CIDEB: variants seen among roughly 807,000 people sequenced by gnomAD.
CIDEB encodes the protein lipid transferase CIDEB.
In CIDEB, 27 loss-of-function variants were observed where a neutral mutation model predicts 22.4. The observed-to-expected ratio is 1.21, with a 90% CI of 0.89 to 1.66. CIDEB has a LOEUF of 1.66. Among genes scored for constraint, CIDEB ranks in the 40% most tolerant of loss-of-function variants. The pLI is 0.00. For synonymous variants in CIDEB, 103 were observed against 109.5 expected, an observed-to-expected ratio of 0.94 and a Z score of 0.37; for missense variants, 289 against 268.7, an observed-to-expected ratio of 1.08 and a Z score of -0.53.
upstream of CIDEB, chr14:24,311,430 G>A (rs937870956): frequency 6.2e-7 from 1 of 1,601,394 alleles, no homozygotes; most frequent in Non-Finnish European, 8.5e-7. Flanking sequence ...GGCTCCACCG[G>A]AAGGGGCCTT....
At chr14:24,310,977 A>G, upstream of CIDEB, 1 of 1,591,024 alleles carries the variant, frequency 6.3e-7, no homozygotes, top group East Asian at 2.3e-5. Flanking sequence ...CGCGCTCAGC[A>G]TGTACGCCAG....
At chr14:24,310,797 T>C (rs1389101522), upstream of CIDEB, 2 of 1,604,142 alleles carry the variant, frequency 1.2e-6, no homozygotes, top group Admixed American at 1.7e-5. Flanking sequence ...GGTGTGGAGC[T>C]TGGCGGGCTG....
Position 24,307,919 on chromosome 14 carries a change from G to C in CIDEB, c.-61C>G, listed in dbSNP as rs2041571124. On this transcript the variant is annotated 5_prime_UTR_variant, in exon 1 of 5. Coordinates refer to ENST00000554411, the MANE Select transcript of CIDEB (RefSeq NM_001393339.1). ...GCTGGGTGGTTCTCTCCTGTGCTGG[G>C]GCTTTAGTGGTGTTTTCTGTTACAA... The C allele has an allele frequency of 2.1e-6, 3 of 1,428,648 alleles. No individual in the cohort carries two copies. The Admixed American group carries it at 5.9e-5, about 28-fold the overall frequency. 88.5% of individuals were successfully genotyped at this position (1,428,648 alleles called of 1,614,324 possible).
intron 1 of CIDEB, 75 bp downstream of exon 1, chr14:24,307,743 A>G: frequency 6.8e-7 from 1 of 1,472,522 alleles, no homozygotes. Context: ...TTAGTCTCCT[A>G]GGGGCTGAGT....
chr14:24,311,096 G>T (rs1460142099), upstream of CIDEB: 3 of 1,563,730 alleles, frequency 1.9e-6, no homozygotes, highest in Non-Finnish European at 1.7e-6. Flanking sequence ...TGCTGCTGGC[G>T]GTCTGGCTGG....
At position 24,307,530 on chromosome 14, in the gene CIDEB, G is replaced by A. The variant is rs746203880; in HGVS notation, c.42-15C>T. 1 of 1,610,950 alleles carries A rather than the reference G, an allele frequency of 6.2e-7. No homozygotes were observed. The highest frequency in any genetic ancestry group is 2.2e-5 in the East Asian group (1 of 44,808). ...TAGATACTGACCTGGTAGTTGAGAA[G>A]AAAAGTCAAGAAGGGGCGAGGAGGG... On this transcript the variant is annotated splice_polypyrimidine_tract_variant and intron_variant, in intron 1 of 4. Coordinates refer to ENST00000554411, the MANE Select transcript of CIDEB (RefSeq NM_001393339.1).
upstream of CIDEB, chr14:24,311,346 G>T (rs770922650): frequency 6.2e-7 from 1 of 1,605,160 alleles, no homozygotes; most frequent in South Asian, 1.1e-5. Context: ...GCTGGTGAGC[G>T]CCATCGTGCT....
rs1210314703 is a variant in CIDEB at position 24,306,478 on chromosome 14, C to T, written c.232G>A (p.Glu78Lys). 6.2e-7 allele frequency: 1 copy of T among 1,614,260 alleles called. No individual in the cohort carries two copies. The highest frequency in any genetic ancestry group is 1.1e-5 in the South Asian group (1 of 91,088). Residue 78 changes from glutamate to lysine, a missense_variant, in exon 3 of 5, where the codon GAG (glutamate) becomes AAG (lysine). By Grantham distance (56) the Glu-to-Lys change is moderately conservative (BLOSUM62 1). Coordinates refer to ENST00000554411, the MANE Select transcript of CIDEB (RefSeq NM_001393339.1). ...LLNGVLTLVLEEDGTAVDSED... is the reference protein window; with the variant it reads ...LLNGVLTLVLKEDGTAVDSED... ...CTGTCCACTGCAGTTCCATCCTCCT[C>T]TAGCACCAGGGTTAGCACTCCATTC...
upstream of CIDEB, chr14:24,311,246 C>T (rs779308801): frequency 6.8e-6 from 11 of 1,607,176 alleles, no homozygotes; most frequent in African/African-American, 1.3e-5. Context: ...TGCTTCCTTT[C>T]GGGCTGATGC....
At chr14:24,311,333 C>G, upstream of CIDEB, 1 of 1,602,150 alleles carries the variant, frequency 6.2e-7, no homozygotes, top group Non-Finnish European at 8.5e-7. Flanking sequence ...CGCGGGTGGG[C>G]CGGCTGGTGA....
At chr14:24,307,658 G>T in intron 1 of CIDEB, 143 bp from the exon 2 acceptor site, 1 of 1,172,928 alleles carries the variant, frequency 8.5e-7, no homozygotes, top group Non-Finnish European at 1.2e-6. Flanking sequence ...ACCATGGAGT[G>T]CAGGTGGGGG....
At chr14:24,310,558 A>C, upstream of CIDEB, 3 of 1,184,176 alleles carry the variant, frequency 2.5e-6, no homozygotes, top group African/African-American at 1.5e-5. Flanking sequence ...GCTGCAGGGA[A>C]GTAAGGAGGA....
At chr14:24,306,254 C>G (rs1434495037) in intron 3 of CIDEB, 117 bp from the exon 4 acceptor site, 6 of 1,530,414 alleles carry the variant, frequency 3.9e-6, no homozygotes, top group Non-Finnish European at 5.4e-6. Context: ...GTGTGACATC[C>G]TTGACAATTC....
chr14:24,305,323 G>A lies in CIDEB; in HGVS notation c.*310C>T, dbSNP rs921020424. 3 of 561,538 alleles carry A rather than the reference G, an allele frequency of 5.3e-6. No homozygotes were observed. Among genetic ancestry groups the A allele is most frequent in the Non-Finnish European group, 8.9e-6 (3 of 337,208 alleles). The allele number at this position is 561,538 out of a possible 1,614,324, so 34.8% of individuals were successfully genotyped here. A position where few individuals can be genotyped will look rare whatever the true frequency, so the allele number is the denominator to read the frequency against. ...GGGAGTTTAGGGACAGGAGGCATTG[G>A]TAGGGGATTAGATGTAGCAGCAGTC... On this transcript the variant is annotated 3_prime_UTR_variant, in exon 5 of 5. Coordinates refer to ENST00000554411, the MANE Select transcript of CIDEB (RefSeq NM_001393339.1).
chr14:24,311,156 G>A, upstream of CIDEB: 1 of 1,602,786 alleles, frequency 6.2e-7, no homozygotes, highest in Non-Finnish European at 8.5e-7. Flanking sequence ...ACCTGTGGAG[G>A]GACCGCGTAT....
At chr14:24,307,788 T>G (rs1228122702) in intron 1 of CIDEB, 30 bp downstream of exon 1, 1 of 1,578,720 alleles carries the variant, frequency 6.3e-7, no homozygotes, top group South Asian at 1.2e-5. Flanking sequence ...CCCCTAAAGG[T>G]GGAGGGTAGA....
At position 24,307,428 on chromosome 14, in the gene CIDEB, G is replaced by C. The variant is rs1481625414; in HGVS notation, c.129C>G (p.His43Gln). 6.2e-7 allele frequency: 1 copy of C among 1,614,046 alleles called. No homozygotes were observed. The highest frequency in any genetic ancestry group is 8.5e-7 in the Non-Finnish European group (1 of 1,180,026). Reference sequence around the variant, plus strand: ...TCAGGCCTTTCCGGATGGTCCGCTTGTGATCACAGACACGGAAAGGTCGCT... The same window carrying C: ...TCAGGCCTTTCCGGATGGTCCGCTTCTGATCACAGACACGGAAAGGTCGCT... ...PPQRPFRVCD[H>Q]KRTIRKGLTA... Residue 43 changes from histidine (H) to glutamine (Q), a missense_variant, in exon 2 of 5, where the codon CAC becomes CAG. Transcript: ENST00000554411.
At chr14:24,311,351 C>T, upstream of CIDEB, 1 of 1,605,752 alleles carries the variant, frequency 6.2e-7, no homozygotes, top group Non-Finnish European at 8.5e-7. Flanking sequence ...TGAGCGCCAT[C>T]GTGCTTGCCT....
At chr14:24,307,281 C>T (rs1173742331) in intron 2 of CIDEB, 90 bp downstream of exon 2, 1 of 1,406,356 alleles carries the variant, frequency 7.1e-7, no homozygotes, top group African/African-American at 1.4e-5. Flanking sequence ...TGTGTGACTT[C>T]AGCCCTCTGC....
Sources: allele counts gnomAD v4.1 joint callset, GRCh38; gene constraint gnomAD v4.1.1; transcripts MANE v1.5; gene names NCBI Gene and HGNC (gene_info 2026-07-23, HGNC 2026-07-21).